KCNN4: variants seen among roughly 807,000 people sequenced by gnomAD.
The protein encoded by KCNN4 is potassium calcium-activated channel subfamily N member 4.
KCNN4 carries 31 observed loss-of-function variants against 45.2 expected under a neutral mutation model. That is an observed-to-expected ratio of 0.69 (90% CI 0.52 to 0.92). The LOEUF is 0.92. Ranked by LOEUF, KCNN4 falls within the 40% of genes least tolerant of loss-of-function variation. The pLI is 0.00. For synonymous variants in KCNN4, 231 were observed against 254.6 expected (o/e 0.91, Z 0.88); for missense variants, 463 against 574.0 (o/e 0.81, Z 1.98).
chr19:43,769,520 A>G lies in KCNN4; in HGVS notation c.971T>C (p.Met324Thr). 1.2e-6 allele frequency: 2 copies of G among 1,614,210 alleles called. No homozygotes were observed. Among genetic ancestry groups the G allele is most frequent in the South Asian group, 2.2e-5 (2 of 91,086 alleles). Residue 324 changes from methionine (M) to threonine (T), a missense_variant, in exon 6 of 9, where the codon ATG becomes ACG. Transcript: ENST00000648319. This position sits in a 1 kb window ranked among gnomAD's most constrained non-coding sequence, Gnocchi z 4.4. ...CTTCCTGCGAGTATGTTTGTAGAAC[A>G]TCCAGGCTTCTTGTAGCACTCGGGC... is the stretch of plus-strand genomic sequence containing the variant. ...SAARVLQEAW[M>T]FYKHTRRKES...
intron 1 of KCNN4, 51 bp from the exon 2 acceptor site, chr19:43,776,687 C>T (rs1392812995): frequency 2.6e-6 from 3 of 1,153,912 alleles, no homozygotes; most frequent in South Asian, 1.2e-5. Context: ...CTCCCTCCGC[C>T]TGGCCCTCCA....
chr19:43,771,091 G>T (rs958337154), intron 4 of KCNN4, among the ~76,000 whole-genome samples: 3 of 152,168 alleles, frequency 2.0e-5, no homozygotes, highest in Non-Finnish European at 2.9e-5. Context: ...GATCTTGTAG[G>T]GAGGTGAAGG....
rs548900122 is a variant in KCNN4 at position 43,773,575 on chromosome 19, A to C, written c.683+617T>G. Among the ~76,000 whole-genome samples the C allele has an allele frequency of 4.6e-5, 7 of 152,286 alleles. No individual in the cohort carries two copies. In the East Asian group the frequency reaches 1.4e-3, roughly 29 times the overall value. On this transcript the variant is annotated intron_variant, in intron 3 of 8. Coordinates refer to ENST00000648319, the MANE Select transcript of KCNN4 (RefSeq NM_002250.3). Reference sequence around the variant, plus strand: ...GTTTTCATTTGCAAGTTCCCAGGTGATGCTGCTGGTCTTGAAATCACACTT... The same window carrying C: ...GTTTTCATTTGCAAGTTCCCAGGTGCTGCTGCTGGTCTTGAAATCACACTT...
intron 1 of KCNN4, among the ~76,000 whole-genome samples, chr19:43,778,217 T>G (rs754845959): frequency 6.7e-6 from 1 of 150,134 alleles, no homozygotes; most frequent in Non-Finnish European, 1.5e-5. Flanking sequence ...TCTTTCTATG[T>G]GTTTTGAGGG....
intron 4 of KCNN4, 149 bp downstream of exon 4, chr19:43,771,851 G>C (rs1969653214): frequency 3.6e-6 from 3 of 833,748 alleles, no homozygotes; most frequent in Non-Finnish European, 5.4e-6. Flanking sequence ...TTCTTGAAGA[G>C]AGAATGGGGC....
At position 43,766,676 on chromosome 19, in the gene KCNN4, C is replaced by T. The variant is rs200417246; in HGVS notation, c.*417G>A. On this transcript the variant is annotated 3_prime_UTR_variant, in exon 9 of 9. Transcript: ENST00000648319. Reference sequence around the variant, plus strand: ...AGGGGGCGCCACCTCCAGCCCCGCCCCAGCCTCATACCCAGTTCTTCAGCT... The same window carrying T: ...AGGGGGCGCCACCTCCAGCCCCGCCTCAGCCTCATACCCAGTTCTTCAGCT... 4 of 152,588 alleles carry T rather than the reference C, an allele frequency of 2.6e-5. No homozygotes were observed. The highest frequency in any genetic ancestry group is 4.4e-5 in the Non-Finnish European group (3 of 68,108). 9.5% of individuals were successfully genotyped at this position (152,588 alleles called of 1,614,324 possible). A position where few individuals can be genotyped will look rare whatever the true frequency, so the allele number is the denominator to read the frequency against.
chr19:43,776,554 G>T lies in KCNN4; in HGVS notation c.242C>A (p.Ala81Asp). The T allele has an allele frequency of 1.2e-6, 2 of 1,612,594 alleles. No homozygotes were observed. The highest frequency in any genetic ancestry group is 1.7e-6 in the Non-Finnish European group (2 of 1,178,932). Reference protein sequence around the residue: ...LLLCLIVAFHAKEVQLFMTDN... With the variant: ...LLLCLIVAFHDKEVQLFMTDN... Reference sequence around the variant, plus strand: ...GGCCTGCCCTACCTGGACCTCTTTGGCATGAAAGGCCACGATGAGGCAGAG... The same window carrying T: ...GGCCTGCCCTACCTGGACCTCTTTGTCATGAAAGGCCACGATGAGGCAGAG... The change falls in exon 2 of 9, where the codon GCC becomes GAC. Residue 81 changes from alanine to aspartate, a missense_variant. Physicochemically the swap from Ala to Asp is moderately radical, Grantham distance 126. Around this residue, in one of 3 missense-constraint regions of KCNN4, gnomAD observed 225 missense variants for 240.9 expected, o/e 0.93. Coordinates refer to ENST00000648319, the MANE Select transcript of KCNN4 (RefSeq NM_002250.3).
At position 43,776,774 on chromosome 19, in the gene KCNN4, C is replaced by T; in HGVS notation, c.160-138G>A. 6.2e-6 allele frequency: 4 copies of T among 647,196 alleles called. No homozygotes were observed. In the South Asian group the frequency reaches 7.2e-5, roughly 12 times the overall value. 40.1% of individuals were successfully genotyped at this position (647,196 alleles called of 1,614,324 possible). ...CTCCTTCCCCTGCAAATCAGTCCCTCTTGATGTGTCGGTTCTGGAGAAGTC... is the reference window on the plus strand; with the variant it reads ...CTCCTTCCCCTGCAAATCAGTCCCTTTTGATGTGTCGGTTCTGGAGAAGTC... On this transcript the variant is annotated intron_variant, in intron 1 of 8. Coordinates refer to ENST00000648319, the MANE Select transcript of KCNN4 (RefSeq NM_002250.3).
rs1300644245 is a variant in KCNN4 at position 43,774,645 on chromosome 19, G to T, written c.256-26C>A. On this transcript the variant is annotated intron_variant, in intron 2 of 8. Transcript: ENST00000648319. The surrounding 1 kb of genome is among the most constrained non-coding windows in gnomAD (Gnocchi z 5.6). ...CTGCCGGTAGGGGGCCAAGAAGGGA[G>T]GGGTCAGGAGCAGGTCAGGCGCAGG... 1.4e-6 allele frequency: 2 copies of T among 1,481,364 alleles called. No individual in the cohort carries two copies. The highest frequency in any genetic ancestry group is 1.8e-6 in the Non-Finnish European group (2 of 1,124,738). 91.8% of individuals were successfully genotyped at this position (1,481,364 alleles called of 1,614,324 possible).
Position 43,772,140 on chromosome 19 carries a change from GGGGAA to G in KCNN4, c.684-10_684-6del. The G allele has an allele frequency of 6.2e-7, 1 of 1,613,312 alleles. No individual in the cohort carries two copies. ...CCAGTGGCATTAACAGCCTGCCTAT[GGGGAA>G]GGGTAGGTTAGTTCTAAAACCCCAC... On this transcript the variant is annotated splice_polypyrimidine_tract_variant and splice_region_variant and intron_variant, in intron 3 of 8. Coordinates refer to ENST00000648319, the MANE Select transcript of KCNN4 (RefSeq NM_002250.3). This position sits in a 1 kb window ranked among gnomAD's most constrained non-coding sequence, Gnocchi z 4.4.
In KCNN4 at chr19:43,769,659, C is replaced by A. The variant is rs897645683; in HGVS notation, c.930+60G>T. On this transcript the variant is annotated intron_variant, in intron 5 of 8. Coordinates refer to ENST00000648319, the MANE Select transcript of KCNN4 (RefSeq NM_002250.3). This position sits in a 1 kb window ranked among gnomAD's most constrained non-coding sequence, Gnocchi z 4.4. Reference sequence around the variant, plus strand: ...TCTTGGGTCCTAGGGGAAGCAGGGGCGCCTGGACTCCTGCTTCTTGGAAGA... The same window carrying A: ...TCTTGGGTCCTAGGGGAAGCAGGGGAGCCTGGACTCCTGCTTCTTGGAAGA... 4.5e-6 allele frequency: 7 copies of A among 1,541,552 alleles called. No individual in the cohort carries two copies. Among genetic ancestry groups the A allele is most frequent in the Non-Finnish European group, 6.3e-6 (7 of 1,115,610 alleles).
chr19:43,767,185 G>C, intron 8 of KCNN4, 96 bp from the exon 9 acceptor site: 1 of 249,794 alleles, frequency 4.0e-6, no homozygotes, highest in Non-Finnish European at 8.1e-6. Flanking sequence ...GTGGGCAGAA[G>C]TGGGAGACAG....
In KCNN4 at chr19:43,766,559, A is replaced by C. The variant is rs1042571188; in HGVS notation, c.*534T>G. The C allele has an allele frequency of 2.6e-5, 4 of 152,286 alleles. No individual in the cohort carries two copies. Among genetic ancestry groups the C allele is most frequent in the African/African-American group, 9.6e-5 (4 of 41,452 alleles). 9.4% of individuals were successfully genotyped at this position (152,286 alleles called of 1,614,324 possible). The stretch of plus-strand genomic sequence containing the variant: ...TCTGGCTTTAACATTTATTACAAAG[A>C]TAAGAGCAGAGGCTGGTGAGTTACA... On this transcript the variant is annotated 3_prime_UTR_variant, in exon 9 of 9. Coordinates refer to ENST00000648319, the MANE Select transcript of KCNN4 (RefSeq NM_002250.3).
At position 43,769,851 on chromosome 19, in the gene KCNN4, T is replaced by G; in HGVS notation, c.820-22A>C. 1 of 1,571,730 alleles carries G rather than the reference T, an allele frequency of 6.4e-7. No homozygotes were observed. Among genetic ancestry groups the G allele is most frequent in the South Asian group, 1.1e-5 (1 of 89,358 alleles). On this transcript the variant is annotated intron_variant, in intron 4 of 8. Coordinates refer to ENST00000648319, the MANE Select transcript of KCNN4 (RefSeq NM_002250.3). This position sits in a 1 kb window ranked among gnomAD's most constrained non-coding sequence, Gnocchi z 4.4. Reference sequence around the variant, plus strand: ...CACCCTGTGGGCACAGCAGGCACCGTGGCATGAGGCTGTGCCACCGACTCC... The same window carrying G: ...CACCCTGTGGGCACAGCAGGCACCGGGGCATGAGGCTGTGCCACCGACTCC...
In KCNN4 at chr19:43,772,725, GC is replaced by G. The variant is rs2146450307; in HGVS notation, c.684-591del. ...GTCTAACTTTGTCCACAGGCCCCTT[GC>G]CGCAAGACCAGCAGGGAAAGCTTCA... On this transcript the variant is annotated intron_variant, in intron 3 of 8. Transcript: ENST00000648319. This position sits in a 1 kb window ranked among gnomAD's most constrained non-coding sequence, Gnocchi z 4.4. Among the ~76,000 whole-genome samples, 1 of 152,286 alleles carries G rather than the reference GC, an allele frequency of 6.6e-6. No homozygotes were observed. The highest frequency in any genetic ancestry group is 1.5e-5 in the Non-Finnish European group (1 of 68,020).
intron 1 of KCNN4, 74 bp from the exon 2 acceptor site, chr19:43,776,710 AACC>A (rs1969816491): frequency 6.2e-6 from 6 of 962,868 alleles, no homozygotes; most frequent in Non-Finnish European, 9.9e-6. Flanking sequence ...TTTCCTTCAA[AACC>A]ACCATTTTTT....
intron 7 of KCNN4, 115 bp downstream of exon 7, chr19:43,768,848 G>T: frequency 1.1e-6 from 1 of 906,132 alleles, no homozygotes; most frequent in Non-Finnish European, 1.8e-6. Flanking sequence ...GACCTTTACT[G>T]ACAGGCTGTG....
intron 1 of KCNN4, among the ~76,000 whole-genome samples, chr19:43,778,970 G>A (rs1969892939): frequency 6.6e-6 from 1 of 152,172 alleles, no homozygotes; most frequent in South Asian, 2.1e-4. Flanking sequence ...GAGGCAGGAG[G>A]ATTGCCTGAG....
In KCNN4 at chr19:43,766,583, C is replaced by T. The variant is rs912010776; in HGVS notation, c.*510G>A. On this transcript the variant is annotated 3_prime_UTR_variant, in exon 9 of 9. Transcript: ENST00000648319. The stretch of plus-strand genomic sequence containing the variant: ...GATAAGAGCAGAGGCTGGTGAGTTA[C>T]ACTTCTTCCTCCCCACCAGGTGCTC... 1.3e-5 allele frequency: 2 copies of T among 152,336 alleles called. No individual in the cohort carries two copies. Among genetic ancestry groups the T allele is most frequent in the African/African-American group, 4.8e-5 (2 of 41,446 alleles). 9.4% of individuals were successfully genotyped at this position (152,336 alleles called of 1,614,324 possible).
Sources: allele counts gnomAD v4.1 joint callset (sites outside exome capture counted in the v4.1 genomes callset), GRCh38; gene constraint gnomAD v4.1.1; regional missense constraint gnomAD v4.1.1; non-coding constraint Gnocchi (gnomAD v3.1); transcripts MANE v1.5; gene names NCBI Gene and HGNC (gene_info 2026-07-23, HGNC 2026-07-21).